Variants in USP3 observed in about 807,000 individuals in gnomAD.
The protein encoded by USP3 is ubiquitin carboxyl-terminal hydrolase 3.
In USP3, 20 loss-of-function variants were observed where a neutral mutation model predicts 72.3. That is an observed-to-expected ratio of 0.28 (90% CI 0.19 to 0.40). The LOEUF is 0.40. Ranked by LOEUF, USP3 falls within the 10% of genes least tolerant of loss-of-function variation. The probability of loss-of-function intolerance (pLI) is 1.00; values close to 1 mark genes in which losing one functional copy is unlikely to be tolerated. For synonymous variants in USP3, 222 were observed against 225.3 expected, an observed-to-expected ratio of 0.99 and a Z score of 0.13; for missense variants, 479 against 633.9, an observed-to-expected ratio of 0.76 and a Z score of 2.62.
intron 8 of USP3, among the ~76,000 whole-genome samples, chr15:63,566,999 C>T (rs1324613590): frequency 6.6e-6 from 1 of 152,080 alleles, no homozygotes; most frequent in East Asian, 1.9e-4. Flanking sequence ...ATGTATATCT[C>T]TTTCTACATA....
chr15:63,527,369 G>A (rs935962443), intron 1 of USP3, among the ~76,000 whole-genome samples: 1 of 152,152 alleles, frequency 6.6e-6, no homozygotes, highest in Admixed American at 6.5e-5. Context: ...GAATTCTTGA[G>A]AAGAAAAAGA....
At chr15:63,547,888 G>GAGAGAGAGAGAGGCAT (rs1555446525) in intron 3 of USP3, among the ~76,000 whole-genome samples, 24,368 of 73,226 alleles carry the variant, frequency 0.33, 8,480 homozygotes, top group Non-Finnish European at 0.41. Context: ...GAGAGAGAGA[G>GAGAGAGAGAGAGGCAT]AGAGAGAGGC....
intron 8 of USP3, among the ~76,000 whole-genome samples, chr15:63,566,446 G>A (rs974789110): frequency 6.6e-6 from 1 of 151,918 alleles, no homozygotes; most frequent in Non-Finnish European, 1.5e-5. Context: ...TCAAGTAGCT[G>A]GGACTACAGG....
chr15:63,544,437 T>C lies in USP3; in HGVS notation c.284+7281T>C, dbSNP rs1330738374. 1 of 437,916 alleles carries C rather than the reference T, an allele frequency of 2.3e-6. No homozygotes were observed. The highest frequency in any genetic ancestry group is 4.1e-6 in the Non-Finnish European group (1 of 246,412). 27.1% of individuals were successfully genotyped at this position (437,916 alleles called of 1,614,324 possible). A position where few individuals can be genotyped will look rare whatever the true frequency, so the allele number is the denominator to read the frequency against. ...ACTAGTGAAAGGGGAAGTAGCTGGA[T>C]TTCAATCCAAAGTTATTGTTTTGAC... On this transcript the variant is annotated intron_variant, in intron 3 of 14. Coordinates refer to ENST00000380324, the MANE Select transcript of USP3 (RefSeq NM_006537.4). This position sits in a 1 kb window ranked among gnomAD's most constrained non-coding sequence, Gnocchi z 4.2.
chr15:63,556,557 G>A (rs1029284518), intron 4 of USP3, 110 bp from the exon 5 acceptor site: 14 of 719,436 alleles, frequency 1.9e-5, no homozygotes, highest in Non-Finnish European at 3.1e-5. Flanking sequence ...GAAGCAGTCA[G>A]GGAGGTCTCC....
intron 8 of USP3, among the ~76,000 whole-genome samples, chr15:63,564,435 C>T (rs1213602709): frequency 6.6e-6 from 1 of 152,160 alleles, no homozygotes; most frequent in African/African-American, 2.4e-5. Context: ...ATACCTTGAA[C>T]AAGGCCCGTT....
At chr15:63,516,220 T>C (rs1200179336) in intron 1 of USP3, among the ~76,000 whole-genome samples, 1 of 152,254 alleles carries the variant, frequency 6.6e-6, no homozygotes, top group Non-Finnish European at 1.5e-5. Context: ...GTGAATATTA[T>C]TTTTTAACCC....
intron 11 of USP3, among the ~76,000 whole-genome samples, chr15:63,581,471 C>T (rs1410090068): frequency 1.3e-5 from 2 of 149,802 alleles, no homozygotes; most frequent in Non-Finnish European, 3.0e-5. Context: ...GCAACCTCTG[C>T]CTCCGGGTTC....
chr15:63,543,526 TAC>T (rs2066276635), intron 3 of USP3, among the ~76,000 whole-genome samples: 1 of 152,236 alleles, frequency 6.6e-6, no homozygotes, highest in African/African-American at 2.4e-5. Context: ...TGCCATGAGT[TAC>T]ACACAGACTC....
chr15:63,574,211 C>T lies in USP3; in HGVS notation c.1015+59C>T. 2 of 1,401,916 alleles carry T rather than the reference C, an allele frequency of 1.4e-6. No homozygotes were observed. 86.8% of individuals were successfully genotyped at this position (1,401,916 alleles called of 1,614,324 possible). A position where few individuals can be genotyped will look rare whatever the true frequency, so the allele number is the denominator to read the frequency against. ...TTTATTAAAATAAATTTAATGTTTC[C>T]TTCAAAAAATAAGTGTAAAGAGAAA... On this transcript the variant is annotated intron_variant, in intron 10 of 14. Transcript: ENST00000380324. This position sits in a 1 kb window ranked among gnomAD's most constrained non-coding sequence, Gnocchi z 4.6.
At chr15:63,548,380 C>T (rs1051528052) in intron 3 of USP3, among the ~76,000 whole-genome samples, 1 of 151,248 alleles carries the variant, frequency 6.6e-6, no homozygotes, top group Non-Finnish European at 1.5e-5. Flanking sequence ...GGCTGGAGTG[C>T]AGTAGCACGA....
At chr15:63,571,321 A>G (rs2066775487) in intron 9 of USP3, among the ~76,000 whole-genome samples, 1 of 152,228 alleles carries the variant, frequency 6.6e-6, no homozygotes, top group African/African-American at 2.4e-5. Flanking sequence ...AGTAACATAT[A>G]GGTGTCATTG....
chr15:63,561,006 C>T (rs923645816), intron 7 of USP3, among the ~76,000 whole-genome samples: 3 of 151,936 alleles, frequency 2.0e-5, no homozygotes, highest in East Asian at 1.9e-4. Context: ...GGCAGTAGGG[C>T]GAGAGTCACA....
intron 4 of USP3, among the ~76,000 whole-genome samples, chr15:63,554,300 A>G (rs1384421756): frequency 6.6e-6 from 1 of 152,256 alleles, no homozygotes; most frequent in African/African-American, 2.4e-5. Flanking sequence ...TGTTAGGGGC[A>G]GTTAAATATC....
chr15:63,536,991 T>A lies in USP3; in HGVS notation c.153-34T>A. On this transcript the variant is annotated intron_variant, in intron 2 of 14. Transcript: ENST00000380324. Reference sequence around the variant, plus strand: ...CCTACTCCTTTAATTTCCAAAGCAATATTTAAAGTAAATTTTCATTTGGTT... The same window carrying A: ...CCTACTCCTTTAATTTCCAAAGCAAAATTTAAAGTAAATTTTCATTTGGTT... 8 of 1,593,158 alleles carry A rather than the reference T, an allele frequency of 5.0e-6. No homozygotes were observed. In the Middle Eastern group the frequency reaches 1.4e-3, roughly 275 times the overall value.
chr15:63,521,304 A>G (rs1465870786), intron 1 of USP3, among the ~76,000 whole-genome samples: 3 of 152,154 alleles, frequency 2.0e-5, no homozygotes, highest in East Asian at 1.9e-4. Flanking sequence ...GTTGTTTCCA[A>G]TATTTGTAGT....
intron 1 of USP3, among the ~76,000 whole-genome samples, chr15:63,515,175 C>A (rs1346552114): frequency 1.3e-5 from 2 of 152,136 alleles, no homozygotes; most frequent in East Asian, 3.8e-4. Context: ...AGGAGGAGCC[C>A]AGTTCCAGTA....
intron 8 of USP3, among the ~76,000 whole-genome samples, chr15:63,563,770 T>TA (rs922226111): frequency 6.6e-5 from 10 of 152,050 alleles, no homozygotes; most frequent in Admixed American, 5.9e-4. Flanking sequence ...TACTTTTCTT[T>TA]AAAAAAAATT....
rs958255828 is a variant in USP3 at position 63,553,869 on chromosome 15, G to A, written c.368+71G>A. The A allele has an allele frequency of 2.0e-5, 25 of 1,229,012 alleles. No individual in the cohort carries two copies. The highest frequency in any genetic ancestry group is 2.7e-5 in the Non-Finnish European group (24 of 873,296). 76.1% of individuals were successfully genotyped at this position (1,229,012 alleles called of 1,614,324 possible). A position where few individuals can be genotyped will look rare whatever the true frequency, so the allele number is the denominator to read the frequency against. Reference sequence around the variant, plus strand: ...GAGGAGTCTTTTAGAATTTTTGAGTGGGGTTTTTGTTGATGAGTTTAATAA... The same window carrying A: ...GAGGAGTCTTTTAGAATTTTTGAGTAGGGTTTTTGTTGATGAGTTTAATAA... On this transcript the variant is annotated intron_variant, in intron 4 of 14. Transcript: ENST00000380324. The surrounding 1 kb of genome is among the most constrained non-coding windows in gnomAD (Gnocchi z 4.2).
Sources: allele counts gnomAD v4.1 joint callset (sites outside exome capture counted in the v4.1 genomes callset), GRCh38; gene constraint gnomAD v4.1.1; non-coding constraint Gnocchi (gnomAD v3.1); transcripts MANE v1.5; gene names NCBI Gene and HGNC (gene_info 2026-07-23, HGNC 2026-07-21).